The following BANK1 variants were observed in gnomAD, a reference collection of about 807,000 sequenced individuals.
The protein encoded by BANK1 is B-cell scaffold protein with ankyrin repeats.
In BANK1, 95 loss-of-function variants were observed where a neutral mutation model predicts 94.5. The observed-to-expected ratio is 1.00, with a 90% CI of 0.85 to 1.19. BANK1 has a LOEUF of 1.19. Ranked by LOEUF, BANK1 falls within the 50% of genes most tolerant of loss-of-function variation. The pLI, the probability that BANK1 is intolerant of heterozygous loss-of-function variation, is 0.00. For synonymous variants in BANK1, 334 were observed against 308.4 expected, an observed-to-expected ratio of 1.08 and a Z score of -0.87; for missense variants, 987 against 932.2, an observed-to-expected ratio of 1.06 and a Z score of -0.77.
intron 7 of BANK1, among the ~76,000 whole-genome samples, chr4:101,994,379 T>G (rs1314117869): frequency 6.6e-6 from 1 of 152,176 alleles, no homozygotes; most frequent in Non-Finnish European, 1.5e-5. Context: ...GAGGATTCAC[T>G]CATAAATGAC....
At chr4:101,868,175 C>T (rs1028723748) in intron 4 of BANK1, among the ~76,000 whole-genome samples, 3 of 151,708 alleles carry the variant, frequency 2.0e-5, no homozygotes, top group African/African-American at 7.3e-5. Context: ...TTGCAAATGG[C>T]ATTGAAAGTA....
intron 7 of BANK1, among the ~76,000 whole-genome samples, chr4:101,977,274 T>C (rs1725168259): frequency 6.6e-6 from 1 of 152,170 alleles, no homozygotes; most frequent in South Asian, 2.1e-4. Flanking sequence ...AGGAAGGGAA[T>C]GTGGTGAATC....
rs534870610 is a variant in BANK1, at chr4:101,854,664, T to C, written c.470-371T>C. On this transcript the variant is annotated intron_variant, in intron 2 of 16. Transcript: ENST00000322953. ...CAAATAACTATTCTGATTTAAATTGTTCTGACTTAAAATAAATGTCCTTAA... is the reference window on the plus strand; with the variant it reads ...CAAATAACTATTCTGATTTAAATTGCTCTGACTTAAAATAAATGTCCTTAA... 1.1e-4 allele frequency among the ~76,000 whole-genome samples: 16 copies of C among 152,252 alleles called. 1 individual carries two copies. In the South Asian group the frequency reaches 3.1e-3, roughly 30 times the overall value.
At chr4:102,004,321 G>C (rs544171180) in intron 7 of BANK1, among the ~76,000 whole-genome samples, 3 of 152,130 alleles carry the variant, frequency 2.0e-5, no homozygotes, top group African/African-American at 7.2e-5. Context: ...TCTCAGGCTA[G>C]ACTCTGAGGC....
At chr4:101,971,586 T>C (rs1197523840) in intron 7 of BANK1, among the ~76,000 whole-genome samples, 2 of 152,116 alleles carry the variant, frequency 1.3e-5, no homozygotes, top group Non-Finnish European at 2.9e-5. Context: ...CCCAAATCAA[T>C]GTCATGTAGT....
At chr4:102,017,149 C>T (rs1279417204) in intron 7 of BANK1, among the ~76,000 whole-genome samples, 1 of 152,172 alleles carries the variant, frequency 6.6e-6, no homozygotes, top group Non-Finnish European at 1.5e-5. Flanking sequence ...AGGTTATTTT[C>T]AGACTTGGGG....
chr4:102,048,823 G>A (rs1727961630), intron 11 of BANK1, among the ~76,000 whole-genome samples: 1 of 151,942 alleles, frequency 6.6e-6, no homozygotes, highest in Non-Finnish European at 1.5e-5. Flanking sequence ...TTTTCCTAAG[G>A]AAGAAAAAAA....
chr4:101,885,013 G>T (rs1417872707), intron 5 of BANK1, among the ~76,000 whole-genome samples: 1 of 152,114 alleles, frequency 6.6e-6, no homozygotes, highest in Non-Finnish European at 1.5e-5. Flanking sequence ...TCCCCTTCTG[G>T]TTGAAGCGAT....
intron 7 of BANK1, among the ~76,000 whole-genome samples, chr4:102,007,531 G>A (rs138288115): frequency 4.6e-4 from 70 of 152,064 alleles, no homozygotes; most frequent in Middle Eastern, 3.4e-3. Flanking sequence ...GTAATCTGAA[G>A]CCACAAATTA....
intron 6 of BANK1, among the ~76,000 whole-genome samples, chr4:101,910,472 G>T (rs151134801): frequency 6.6e-6 from 1 of 151,706 alleles, no homozygotes; most frequent in African/African-American, 2.4e-5. Flanking sequence ...ACCTGAGGTC[G>T]GGAGTTCGAG....
chr4:101,807,494 T>C (rs1289583815), intron 1 of BANK1, among the ~76,000 whole-genome samples: 2 of 152,176 alleles, frequency 1.3e-5, no homozygotes, highest in Admixed American at 1.3e-4. Context: ...ATAAGTATTC[T>C]AAAAAGAAAC....
At chr4:101,974,168 T>C (rs188717212) in intron 7 of BANK1, among the ~76,000 whole-genome samples, 2 of 152,234 alleles carry the variant, frequency 1.3e-5, no homozygotes, top group Admixed American at 6.5e-5. Flanking sequence ...TTCTTTTCCA[T>C]GTAATAATCT....
intron 7 of BANK1, among the ~76,000 whole-genome samples, chr4:102,000,269 GC>G (rs34230680): frequency 0.38 from 55,706 of 145,222 alleles, 11,567 homozygotes; most frequent in South Asian, 0.53. Context: ...GTTGCAGTGA[GC>G]CAAGATTGTG....
intron 2 of BANK1, among the ~76,000 whole-genome samples, chr4:101,840,772 C>A (rs1727016539): frequency 1.3e-5 from 2 of 152,176 alleles, no homozygotes. Context: ...TCCCACTTCA[C>A]ACCTCTGTAT....
At chr4:101,926,315 G>GAT (rs1014555328) in intron 7 of BANK1, among the ~76,000 whole-genome samples, 21 of 151,410 alleles carry the variant, frequency 1.4e-4, no homozygotes, top group African/African-American at 3.4e-4. Flanking sequence ...CTCTCTTTGT[G>GAT]ATATATATAT....
chr4:102,067,101 C>G (rs893170112), intron 13 of BANK1, among the ~76,000 whole-genome samples: 2 of 151,840 alleles, frequency 1.3e-5, no homozygotes. Flanking sequence ...GTTAAAGATT[C>G]ATGTTTTATT....
At position 101,939,635 on chromosome 4, in the gene BANK1, T is replaced by C. The variant is rs572893817; in HGVS notation, c.1206+21446T>C. Reference sequence around the variant, plus strand: ...TAACATCACTTTCTCTCACAAATCATTGGCCTAAACCAGCCACATGGTCCC... The same window carrying C: ...TAACATCACTTTCTCTCACAAATCACTGGCCTAAACCAGCCACATGGTCCC... On this transcript the variant is annotated intron_variant, in intron 7 of 16. Transcript: ENST00000322953. Among the ~76,000 whole-genome samples, 9 of 151,762 alleles carry C rather than the reference T, an allele frequency of 5.9e-5. No individual in the cohort carries two copies. In the East Asian group the frequency reaches 1.6e-3, roughly 26 times the overall value.
chr4:101,790,932 T>C lies in BANK1; in HGVS notation c.52T>C (p.Cys18Arg). Residue 18 changes from cysteine to arginine, a missense_variant, in exon 1 of 17, where the codon TGC becomes CGC. Transcript: ENST00000322953. ...KGLGSPDPAP[C>R]GPAPPGNTKD... Reference sequence around the variant, plus strand: ...GCTTGGGAGCCCGGACCCCGCCCCCTGCGGCCCAGCGCCCCCAGGTGGGTA... The same window carrying C: ...GCTTGGGAGCCCGGACCCCGCCCCCCGCGGCCCAGCGCCCCCAGGTGGGTA... 4 of 1,529,004 alleles carry C rather than the reference T, an allele frequency of 2.6e-6. No individual in the cohort carries two copies. The South Asian group carries it at 3.6e-5, about 14-fold the overall frequency. The allele number at this position is 1,529,004 out of a possible 1,614,324, so 94.7% of individuals were successfully genotyped here. A position where few individuals can be genotyped will look rare whatever the true frequency, so the allele number is the denominator to read the frequency against.
rs1044526576 is a variant in BANK1, at chr4:101,918,150, T to C, written c.1167T>C (p.His389=). 1.3e-6 allele frequency: 2 copies of C among 1,596,824 alleles called. No individual in the cohort carries two copies. The highest frequency in any genetic ancestry group is 1.3e-5 in the African/African-American group (1 of 74,590). The part of the protein sequence containing the change: ...GSDPAHIAER[H]GHKELKKIFE... ...ACCCCGCACATATTGCTGAAAGGCA[T>C]GGTCACAAAGAACTCAAGAAAATCT... is the stretch of plus-strand genomic sequence containing the variant. Residue 389 remains histidine, a synonymous_variant, in exon 7 of 17, where the codon CAT becomes CAC. Coordinates refer to ENST00000322953, the MANE Select transcript of BANK1 (RefSeq NM_017935.5).
Sources: gnomAD v4.1 joint callset for allele counts (sites outside exome capture counted in the v4.1 genomes callset) on GRCh38, gnomAD v4.1.1 for gene constraint, MANE v1.5 for transcripts, NCBI Gene and HGNC (gene_info 2026-07-23, HGNC 2026-07-21) for gene names.